RGS6: variants seen among roughly 807,000 people sequenced by gnomAD.
RGS6 encodes the protein regulator of G-protein signaling 6.
In RGS6, 30 loss-of-function variants were observed where a neutral mutation model predicts 78.5. That is an observed-to-expected ratio of 0.38 (90% CI 0.29 to 0.52). The LOEUF (loss-of-function observed/expected upper bound fraction) is 0.52, where lower values mean the gene tolerates loss of function less well. Among genes scored for constraint, RGS6 ranks in the 20% least tolerant of loss-of-function variants. The probability of loss-of-function intolerance (pLI) is 0.85; values close to 1 mark genes in which losing one functional copy is unlikely to be tolerated. For missense variants in RGS6, 495 were observed against 609.7 expected (o/e 0.81, Z 1.98); for synonymous variants, 206 against 206.0 (o/e 1.00, Z 0.00).
intron 17 of RGS6, 62 bp from the exon 18 acceptor site, chr14:72,562,355 C>T: frequency 6.5e-7 from 1 of 1,535,166 alleles, no homozygotes; most frequent in Non-Finnish European, 9.0e-7. Context: ...CTGTCTGGCT[C>T]TCTGTCTCTG....
intron 12 of RGS6, among the ~76,000 whole-genome samples, chr14:72,479,325 C>T (rs1015682330): frequency 9.8e-5 from 15 of 152,326 alleles, no homozygotes; most frequent in East Asian, 3.9e-4. Flanking sequence ...CTTGGGCTCA[C>T]GTCTTTATTC....
chr14:72,290,644 G>T (rs1336584842), intron 2 of RGS6, among the ~76,000 whole-genome samples: 2 of 152,196 alleles, frequency 1.3e-5, no homozygotes, highest in Non-Finnish European at 2.9e-5. Flanking sequence ...AGTCAGTGTG[G>T]CTTCTATTGC....
intron 2 of RGS6, among the ~76,000 whole-genome samples, chr14:72,061,752 A>G (rs1018764749): frequency 4.6e-5 from 7 of 152,242 alleles, no homozygotes; most frequent in African/African-American, 9.6e-5. Context: ...GAGAATATTT[A>G]TAACAGTACA....
At chr14:72,098,550 C>T (rs1165445266) in intron 2 of RGS6, among the ~76,000 whole-genome samples, 3 of 152,274 alleles carry the variant, frequency 2.0e-5, no homozygotes, top group East Asian at 3.9e-4. Flanking sequence ...CCAAATTTTT[C>T]TTGCAGATAT....
rs142414649 is a variant in RGS6 at position 72,498,069 on chromosome 14, T to C, written c.965+2807T>C. 6.8e-3 allele frequency among the ~76,000 whole-genome samples: 1,043 copies of C among 152,284 alleles called. 15 individuals are homozygous for C. The highest frequency in any genetic ancestry group is 0.021 in the African/African-American group (865 of 41,566). Reference sequence around the variant, plus strand: ...GTGTCCATTCTGTGATTTTATACTTTAGAGAGTTTTTCTTTTCCCACTGAG... The same window carrying C: ...GTGTCCATTCTGTGATTTTATACTTCAGAGAGTTTTTCTTTTCCCACTGAG... On this transcript the variant is annotated intron_variant, in intron 13 of 17. Coordinates refer to ENST00000553525, the MANE Select transcript of RGS6 (RefSeq NM_001204424.2).
At chr14:72,478,891 G>A (rs904551231) in intron 12 of RGS6, among the ~76,000 whole-genome samples, 9 of 152,150 alleles carry the variant, frequency 5.9e-5, no homozygotes, top group African/African-American at 1.7e-4. Context: ...GTTCCACTCC[G>A]TTAACTCATG....
chr14:72,037,963 A>G (rs921786392), intron 2 of RGS6, among the ~76,000 whole-genome samples: 1 of 151,614 alleles, frequency 6.6e-6, no homozygotes, highest in African/African-American at 2.4e-5. Flanking sequence ...TGCTGTCTTT[A>G]TTTTTTATTA....
chr14:72,569,040 T>A (rs897367247), downstream of RGS6, among the ~76,000 whole-genome samples: 2 of 152,124 alleles, frequency 1.3e-5, no homozygotes, highest in African/African-American at 4.8e-5. Context: ...CCTGTGGCCC[T>A]TGCCTGTGAT....
intron 2 of RGS6, among the ~76,000 whole-genome samples, chr14:72,128,465 T>C (rs1410045345): frequency 6.6e-6 from 1 of 152,234 alleles, no homozygotes; most frequent in African/African-American, 2.4e-5. Context: ...TAGTACACTA[T>C]ATTCACTTTT....
intron 2 of RGS6, among the ~76,000 whole-genome samples, chr14:72,208,268 GC>G (rs1567473002): frequency 1.3e-5 from 2 of 152,162 alleles, no homozygotes; most frequent in Admixed American, 1.3e-4. Context: ...GCAGATGGAA[GC>G]CCATCAGAGC....
rs150243446 is a variant in RGS6 at position 72,335,726 on chromosome 14, G to A, written c.85-16369G>A. Among the ~76,000 whole-genome samples, 1,179 of 152,312 alleles carry A rather than the reference G, an allele frequency of 7.7e-3. 11 individuals are homozygous for A. The highest frequency in any genetic ancestry group is 0.025 in the African/African-American group (1,044 of 41,566). On this transcript the variant is annotated intron_variant, in intron 2 of 17. Coordinates refer to ENST00000553525, the MANE Select transcript of RGS6 (RefSeq NM_001204424.2). The stretch of plus-strand genomic sequence containing the variant: ...ACACATAAAATATACTAACACTAAT[G>A]ACAGCTGATGAGCTTAATGTTTTAA...
At chr14:72,330,388 C>T (rs1489337287) in intron 2 of RGS6, among the ~76,000 whole-genome samples, 1 of 152,156 alleles carries the variant, frequency 6.6e-6, no homozygotes, top group Non-Finnish European at 1.5e-5. Context: ...TCACTGCACC[C>T]TTCAGCTATT....
intron 2 of RGS6, among the ~76,000 whole-genome samples, chr14:72,242,308 C>T (rs1200859787): frequency 1.3e-5 from 2 of 152,154 alleles, no homozygotes; most frequent in East Asian, 3.9e-4. Context: ...GTCTTCATGG[C>T]AGCTGAATTA....
chr14:72,125,157 T>C (rs1275707154), intron 2 of RGS6, among the ~76,000 whole-genome samples: 1 of 152,172 alleles, frequency 6.6e-6, no homozygotes, highest in South Asian at 2.1e-4. Flanking sequence ...ACCCCAAGCC[T>C]GAGTCACTCC....
At chr14:72,535,329 A>G (rs1240172369) in intron 15 of RGS6, among the ~76,000 whole-genome samples, 3 of 152,180 alleles carry the variant, frequency 2.0e-5, no homozygotes, top group Non-Finnish European at 4.4e-5. Context: ...TCCTTCCAGG[A>G]CGAGGTGGTG....
the RGS6 span, among the ~76,000 whole-genome samples, chr14:71,892,678 T>C: frequency 7.2e-5 from 11 of 152,296 alleles, no homozygotes; most frequent in South Asian, 1.5e-3. Context: ...CAAAAAGAAA[T>C]GGTAAATGGA....
chr14:72,469,227 A>G (rs1459721793), intron 7 of RGS6, among the ~76,000 whole-genome samples: 1 of 148,164 alleles, frequency 6.7e-6, no homozygotes, highest in Non-Finnish European at 1.5e-5. Flanking sequence ...TTTTTTTGAA[A>G]CAGTTTCATT....
At chr14:72,195,362 C>T (rs1484146024) in intron 2 of RGS6, among the ~76,000 whole-genome samples, 1 of 152,098 alleles carries the variant, frequency 6.6e-6, no homozygotes, top group Non-Finnish European at 1.5e-5. Flanking sequence ...ATATTCAAAT[C>T]TGGGGCTTAG....
rs147166517 is a variant in RGS6 at position 72,181,381 on chromosome 14, T to C, written c.85-170714T>C. On this transcript the variant is annotated intron_variant, in intron 2 of 17. Transcript: ENST00000553525. ...GCAGACAGTGTTCAAAGCCAAAGTC[T>C]TCCTGATCATAAGGTGCTGAGAGGA... Among the ~76,000 whole-genome samples, 509 of 152,364 alleles carry C rather than the reference T, an allele frequency of 3.3e-3. 3 individuals carry two copies. The highest frequency in any genetic ancestry group is 0.011 in the African/African-American group (472 of 41,592).
Sources: allele counts gnomAD v4.1 joint callset (sites outside exome capture counted in the v4.1 genomes callset), GRCh38; gene constraint gnomAD v4.1.1; transcripts MANE v1.5; gene names NCBI Gene and HGNC (gene_info 2026-07-23, HGNC 2026-07-21).